UCP2: variants seen among roughly 807,000 people sequenced by gnomAD.
UCP2 encodes uncoupling protein 2, also known as dicarboxylate carrier SLC25A8.
Under a neutral mutation model 31.3 loss-of-function variants are expected in UCP2, and 27 were observed. The ratio of observed to expected loss-of-function variants is 0.86; its 90% confidence interval spans 0.64 to 1.19. UCP2 has a LOEUF of 1.19. Ranked by LOEUF, UCP2 falls within the 50% of genes most tolerant of loss-of-function variation. UCP2 has a pLI of 0.00. For missense variants in UCP2, 377 were observed against 413.5 expected (o/e 0.91, Z 0.76); for synonymous variants, 142 against 157.4 (o/e 0.90, Z 0.73).
intron 2 of UCP2, chr11:73,978,734 C>T (rs535993708): frequency 3.9e-5 from 14 of 357,512 alleles, no homozygotes; most frequent in African/African-American, 1.9e-4. Context: ...GCTCTCCTAG[C>T]GCTGCCTCAT....
At chr11:73,977,111 C>T in intron 4 of UCP2, 94 bp from the exon 5 acceptor site, 1 of 1,362,586 alleles carries the variant, frequency 7.3e-7, no homozygotes, top group Non-Finnish European at 9.9e-7. Flanking sequence ...CTGTCATCTC[C>T]TGCTTTTGGG....
chr11:73,982,035 G>A (rs1951465257), intron 1 of UCP2, among the ~76,000 whole-genome samples: 1 of 152,132 alleles, frequency 6.6e-6, no homozygotes, highest in Non-Finnish European at 1.5e-5. Context: ...AGGCCAGATT[G>A]AGCAGCTCAA....
chr11:73,978,014 A>AC lies in UCP2; in HGVS notation c.208dup (p.Val70GlyfsTer4). On this transcript the variant is annotated frameshift_variant, in exon 4 of 8. Transcript: ENST00000663595. LOFTEE classifies it high-confidence loss of function. ...GAGGCTTCGGGGGCCCTCAGTACGC[A>AC]CCATGGTCAGAATGGTGCCCATCAC... The AC allele has an allele frequency of 6.2e-7, 1 of 1,614,194 alleles. No homozygotes were observed. Among genetic ancestry groups the AC allele is most frequent in the Non-Finnish European group, 8.5e-7 (1 of 1,180,040 alleles).
intron 7 of UCP2, 75 bp downstream of exon 7, chr11:73,975,415 AG>A: frequency 6.7e-7 from 1 of 1,503,570 alleles, no homozygotes; most frequent in South Asian, 1.3e-5. Flanking sequence ...ACTCACTTCC[AG>A]GTGGTTCTCT....
At position 73,974,737 on chromosome 11, in the gene UCP2, T is replaced by G; in HGVS notation, c.*270A>C. ...TGGGCTGTCGGGGGCAGGACGAAGA[T>G]TCTGGCTGAACTTTCCAAGGGACGG... On this transcript the variant is annotated 3_prime_UTR_variant, in exon 8 of 8. Coordinates refer to ENST00000663595, the MANE Select transcript of UCP2 (RefSeq NM_003355.3). The G allele has an allele frequency of 2.1e-6, 1 of 465,674 alleles. No individual in the cohort carries two copies. The highest frequency in any genetic ancestry group is 4.0e-6 in the Non-Finnish European group (1 of 252,536). 28.8% of individuals were successfully genotyped at this position (465,674 alleles called of 1,614,324 possible).
In UCP2 at chr11:73,980,239, G is replaced by A. The variant is rs149721376; in HGVS notation, c.-100+1237C>T. Among the ~76,000 whole-genome samples the A allele has an allele frequency of 2.3e-3, 355 of 152,260 alleles. 2 individuals are homozygous for A. The highest frequency in any genetic ancestry group is 8.1e-3 in the African/African-American group (336 of 41,542). ...CTTTGAGCCCCGCCTGACTGCCTTT[G>A]TTGCTGGGGCTCAGGTGAAAGGGCT... On this transcript the variant is annotated intron_variant, in intron 2 of 7. Coordinates refer to ENST00000663595, the MANE Select transcript of UCP2 (RefSeq NM_003355.3).
At position 73,974,864 on chromosome 11, in the gene UCP2, G is replaced by C; in HGVS notation, c.*143C>G. The C allele has an allele frequency of 2.6e-6, 2 of 762,008 alleles. No individual in the cohort carries two copies. 47.2% of individuals were successfully genotyped at this position (762,008 alleles called of 1,614,324 possible). A position where few individuals can be genotyped will look rare whatever the true frequency, so the allele number is the denominator to read the frequency against. ...AGATGAGAATGTAGAAAGAGGGAAG[G>C]TGGTAGGTAAAGGAGCGGAAGGAAG... On this transcript the variant is annotated 3_prime_UTR_variant, in exon 8 of 8. Coordinates refer to ENST00000663595, the MANE Select transcript of UCP2 (RefSeq NM_003355.3).
In UCP2 at chr11:73,977,908, C is replaced by T; in HGVS notation, c.315G>A (p.Gln105=). 1 of 1,614,232 alleles carries T rather than the reference C, an allele frequency of 6.2e-7. No individual in the cohort carries two copies. The highest frequency in any genetic ancestry group is 8.5e-7 in the Non-Finnish European group (1 of 1,180,042). ...CACGCTCAGAGCCCTTGGTGTAGAA[C>T]TGTTTGACAGAATCATACAGGCCGA... ...VRIGLYDSVK[Q]FYTKGSEHAS... Residue 105 remains glutamine, a synonymous_variant, in exon 4 of 8, where the codon CAG becomes CAA. Coordinates refer to ENST00000663595, the MANE Select transcript of UCP2 (RefSeq NM_003355.3).
At chr11:73,977,790 T>C in intron 4 of UCP2, 96 bp downstream of exon 4, 1 of 1,516,810 alleles carries the variant, frequency 6.6e-7, no homozygotes, top group Non-Finnish European at 9.1e-7. Flanking sequence ...TTCCTAGGGA[T>C]CGTGGGGCCT....
chr11:73,978,621 C>T (rs1591221161), intron 2 of UCP2, 144 bp from the exon 3 acceptor site: 3 of 523,232 alleles, frequency 5.7e-6, no homozygotes, highest in Middle Eastern at 5.5e-4. Context: ...GATGTGAGCT[C>T]GAGAGGCACT....
At chr11:73,976,344 T>G (rs531547642) in intron 6 of UCP2, among the ~76,000 whole-genome samples, 135 of 151,856 alleles carry the variant, frequency 8.9e-4, no homozygotes, top group African/African-American at 3.1e-3. Context: ...TGAGACTCTA[T>G]CTCAAAAAAA....
chr11:73,978,151 CCA>C, intron 3 of UCP2, 55 bp from the exon 4 acceptor site: 1 of 1,614,052 alleles, frequency 6.2e-7, no homozygotes, highest in Non-Finnish European at 8.5e-7. Context: ...CTTCCCACCT[CCA>C]GTCATCTCGA....
At chr11:73,975,455 G>A in intron 7 of UCP2, 36 bp downstream of exon 7, 26 of 1,585,848 alleles carry the variant, frequency 1.6e-5, no homozygotes, top group Non-Finnish European at 2.2e-5. Context: ...GCATAGCCAA[G>A]AGGCCTGAAC....
In UCP2 at chr11:73,977,008, A is replaced by G. The variant is rs760707044; in HGVS notation, c.347T>C (p.Ile116Thr). The G allele has an allele frequency of 3.1e-6, 5 of 1,599,536 alleles. No homozygotes were observed. Among genetic ancestry groups the G allele is most frequent in the South Asian group, 1.1e-5 (1 of 89,696 alleles). ...GCTGCCTGCTAGGAGGCGGCTCCCA[A>G]TGCTGGCATCTGTGGGCGAGCCATG... Reference protein sequence around the residue: ...FYTKGSEHASIGSRLLAGSTT... With the variant: ...FYTKGSEHASTGSRLLAGSTT... Residue 116 changes from isoleucine to threonine, a missense_variant, in exon 5 of 8, where the codon ATT becomes ACT. By Grantham distance (89) the Ile-to-Thr change is moderately conservative. Coordinates refer to ENST00000663595, the MANE Select transcript of UCP2 (RefSeq NM_003355.3).
rs370781460 is a variant in UCP2, at chr11:73,978,356, T to C, written c.23A>G (p.Asp8Gly). 3 of 1,614,042 alleles carry C rather than the reference T, an allele frequency of 1.9e-6. No individual in the cohort carries two copies. Among genetic ancestry groups the C allele is most frequent in the Non-Finnish European group, 1.7e-6 (2 of 1,180,040 alleles). Reference sequence around the variant, plus strand: ...CTTCACAGTGGCAGTAGGGGGCACATCTGTGGCCTTGAACCCAACCATGAT... The same window carrying C: ...CTTCACAGTGGCAGTAGGGGGCACACCTGTGGCCTTGAACCCAACCATGAT... MVGFKATDVPPTATVKFL... is the reference protein window; with the variant it reads MVGFKATGVPPTATVKFL... The change falls in exon 3 of 8, where the codon GAT (aspartate) becomes GGT (glycine). Residue 8 changes from aspartate (D) to glycine (G), a missense_variant. By Grantham distance (94) the Asp-to-Gly change is moderately conservative (BLOSUM62 -1). Transcript: ENST00000663595.
chr11:73,978,581 A>T, intron 2 of UCP2, 104 bp from the exon 3 acceptor site: 1 of 704,534 alleles, frequency 1.4e-6, no homozygotes, highest in Non-Finnish European at 2.3e-6. Flanking sequence ...TCCCTCAGCA[A>T]GACTCCAAGT....
chr11:73,976,807 A>C lies in UCP2; in HGVS notation c.532+16T>G, dbSNP rs556031975. 1.8e-4 allele frequency: 283 copies of C among 1,614,230 alleles called. 2 individuals are homozygous for C. In the South Asian group the frequency reaches 3.0e-3, roughly 17 times the overall value. On this transcript the variant is annotated intron_variant, in intron 5 of 7. Coordinates refer to ENST00000663595, the MANE Select transcript of UCP2 (RefSeq NM_003355.3). ...GGGGAGGAGGAAAAGGGGAAGGGAA[A>C]ACAACTGGTACACACCTTTCCAGAG... is the stretch of plus-strand genomic sequence containing the variant.
chr11:73,977,142 G>A, intron 4 of UCP2, 125 bp from the exon 5 acceptor site: 1 of 1,039,318 alleles, frequency 9.6e-7, no homozygotes, highest in Non-Finnish European at 1.4e-6. Context: ...AGAAGCTTTT[G>A]GCCTTCTACA....
Position 73,974,791 on chromosome 11 carries a change from C to G in UCP2, c.*216G>C. 2.8e-6 allele frequency: 1 copy of G among 351,766 alleles called. No individual in the cohort carries two copies. The highest frequency in any genetic ancestry group is 5.4e-6 in the Non-Finnish European group (1 of 186,566). The allele number at this position is 351,766 out of a possible 1,614,324, so 21.8% of individuals were successfully genotyped here. On this transcript the variant is annotated 3_prime_UTR_variant, in exon 8 of 8. Transcript: ENST00000663595. ...GCTTGGGATCCTGGCTGGTACGAGG[C>G]CTCCCACACTGTCAAATGTCAACTC... is the stretch of plus-strand genomic sequence containing the variant.
Sources: gnomAD v4.1 joint callset for allele counts (sites outside exome capture counted in the v4.1 genomes callset) on GRCh38, gnomAD v4.1.1 for gene constraint, MANE v1.5 for transcripts, NCBI Gene and HGNC (gene_info 2026-07-23, HGNC 2026-07-21) for gene names.